GNB1L: variants seen among roughly 807,000 people sequenced by gnomAD.
The protein encoded by GNB1L is guanine nucleotide-binding protein subunit beta-like protein 1.
GNB1L carries 20 observed loss-of-function variants against 29.1 expected under a neutral mutation model. That is an observed-to-expected ratio of 0.69 (90% CI 0.48 to 1.00). GNB1L has a LOEUF of 1.00. Ranked by LOEUF, GNB1L falls within the 50% of genes least tolerant of loss-of-function variation. The pLI is 0.00. For missense variants in GNB1L, 421 were observed against 464.9 expected, an observed-to-expected ratio of 0.91 and a Z score of 0.87; for synonymous variants, 193 against 206.5, an observed-to-expected ratio of 0.93 and a Z score of 0.56.
chr22:19,831,378 A>C (rs1253310315), intron 2 of GNB1L, among the ~76,000 whole-genome samples: 2 of 150,764 alleles, frequency 1.3e-5, no homozygotes, highest in Admixed American at 1.3e-4. Context: ...AAAAAAAAAA[A>C]CAATAAAATA....
chr22:19,792,259 C>A (rs1334944781), intron 7 of GNB1L: 4 of 643,566 alleles, frequency 6.2e-6, no homozygotes, highest in African/African-American at 3.7e-5. Flanking sequence ...TAACTATGTT[C>A]AAAAAATGAA....
At position 19,816,967 on chromosome 22, in the gene GNB1L, C is replaced by T. The variant is rs535092253; in HGVS notation, c.254+3631G>A. Among the ~76,000 whole-genome samples, 5 of 152,332 alleles carry T rather than the reference C, an allele frequency of 3.3e-5. No individual in the cohort carries two copies. The highest frequency in any genetic ancestry group is 2.1e-4 in the South Asian group (1 of 4,826). On this transcript the variant is annotated intron_variant, in intron 4 of 7. Transcript: ENST00000329517. The surrounding 1 kb of genome is among the most constrained non-coding windows in gnomAD (Gnocchi z 4.4). The stretch of plus-strand genomic sequence containing the variant: ...GCACTGAGGTGGGGGAAGGCGGGAC[C>T]GCTGGGTACCCACATGGAAACCCAG...
intron 2 of GNB1L, among the ~76,000 whole-genome samples, chr22:19,833,828 G>A (rs955421080): frequency 4.6e-5 from 7 of 151,496 alleles, no homozygotes; most frequent in Non-Finnish European, 8.8e-5. Flanking sequence ...ATCATACCAC[G>A]GCACTCCAGC....
chr22:19,850,425 G>A, intron 2 of GNB1L: 1 of 993,074 alleles, frequency 1.0e-6, no homozygotes, highest in South Asian at 4.7e-5. Context: ...CAGCACAGCA[G>A]CAGGGAAGAG....
chr22:19,829,910 T>C (rs9306226), intron 2 of GNB1L, among the ~76,000 whole-genome samples: 39,004 of 152,082 alleles, frequency 0.26, 5,111 homozygotes, highest in East Asian at 0.33. Context: ...TGAAGAAATA[T>C]TGGGGACATT....
chr22:19,846,339 T>A, intron 2 of GNB1L: 1 of 811,726 alleles, frequency 1.2e-6, no homozygotes. Context: ...AATGCCTTTG[T>A]ACCCCCCAGG....
rs1937570048 is a variant in GNB1L, at chr22:19,820,602, G to C, written c.250C>G (p.Leu84Val). ...LQTLPQGRQL[L>V]SQGRDLKLCL... ...TCCTGCACCTTGGAGACCCACCTGA[G>C]GAGCTGGCGCCCCTGGGGCAGCGTC... Residue 84 changes from leucine to valine, a missense_variant, in exon 4 of 8, where the codon CTC becomes GTC. Leu to Val is a conservative substitution (Grantham distance 32). Coordinates refer to ENST00000329517, the MANE Select transcript of GNB1L (RefSeq NM_053004.3). 1.9e-6 allele frequency: 3 copies of C among 1,612,088 alleles called. No homozygotes were observed.
chr22:19,820,666 G>A lies in GNB1L; in HGVS notation c.186C>T (p.Thr62=). 1 of 1,613,608 alleles carries A rather than the reference G, an allele frequency of 6.2e-7. No homozygotes were observed. Among genetic ancestry groups the A allele is most frequent in the African/African-American group, 1.3e-5 (1 of 75,062 alleles). ...CACACTGGCCGCCGTGGCCATCCAGGGTGGTAACCGCTCTCCGCGTCTGCA... is the reference window on the plus strand; with the variant it reads ...CACACTGGCCGCCGTGGCCATCCAGAGTGGTAACCGCTCTCCGCGTCTGCA... ...WSLQTRRAVT[T]LDGHGGQCVT... is the part of the protein sequence containing the mutation. Residue 62 remains threonine, a synonymous_variant, in exon 4 of 8, where the codon ACC becomes ACT. Coordinates refer to ENST00000329517, the MANE Select transcript of GNB1L (RefSeq NM_053004.3).
intron 4 of GNB1L, among the ~76,000 whole-genome samples, chr22:19,817,804 T>G (rs1019456629): frequency 6.6e-6 from 1 of 152,198 alleles, no homozygotes; most frequent in African/African-American, 2.4e-5. Context: ...GGAAGGTGGT[T>G]GCTCAGGTGC....
chr22:19,812,556 G>C, intron 4 of GNB1L, 109 bp from the exon 5 acceptor site: 1 of 1,068,826 alleles, frequency 9.4e-7, no homozygotes, highest in Non-Finnish European at 1.3e-6. Flanking sequence ...AGTGGGTGCC[G>C]TGAGCTTGGA....
intron 7 of GNB1L, among the ~76,000 whole-genome samples, chr22:19,800,575 G>C (rs569268238): frequency 6.6e-6 from 1 of 152,140 alleles, no homozygotes; most frequent in African/African-American, 2.4e-5. Flanking sequence ...TGCTCAGAAC[G>C]GGCATCATGA....
chr22:19,848,840 G>A (rs958653576), intron 2 of GNB1L: 1 of 985,180 alleles, frequency 1.0e-6, no homozygotes, highest in African/African-American at 1.7e-5. Context: ...TCCACTTCAG[G>A]TCCACTAAAG....
In GNB1L at chr22:19,792,420, C is replaced by T. The variant is rs75755252; in HGVS notation, c.733-3460G>A. 7,404 of 1,556,428 alleles carry T rather than the reference C, an allele frequency of 4.8e-3. 290 individuals carry two copies. The South Asian group carries it at 0.063, about 13-fold the overall frequency. ...AAGGCCTAAGAATTTTGGCATCGGACAGGACATCCAGCCCAAAAGAGACCT... is the reference window on the plus strand; with the variant it reads ...AAGGCCTAAGAATTTTGGCATCGGATAGGACATCCAGCCCAAAAGAGACCT... On this transcript the variant is annotated intron_variant, in intron 7 of 7. Transcript: ENST00000329517.
At chr22:19,813,449 C>T (rs182229527) in intron 4 of GNB1L, among the ~76,000 whole-genome samples, 33 of 152,202 alleles carry the variant, frequency 2.2e-4, no homozygotes, top group South Asian at 1.5e-3. Context: ...TGTGGGAGGC[C>T]GAGGCAGGTG....
chr22:19,834,670 C>A (rs145678635), intron 2 of GNB1L, among the ~76,000 whole-genome samples: 3 of 152,002 alleles, frequency 2.0e-5, no homozygotes, highest in Admixed American at 2.0e-4. Flanking sequence ...CACTGTCATC[C>A]CTGCAGCAAC....
chr22:19,786,756 C>A lies in GNB1L; in HGVS notation c.*1953G>T, dbSNP rs1937194983. ...TGACACCTTCCCTCACTGTGACAGCCTGTGATGAGCACCCAGGGCACAGCT... is the reference window on the plus strand; with the variant it reads ...TGACACCTTCCCTCACTGTGACAGCATGTGATGAGCACCCAGGGCACAGCT... On this transcript the variant is annotated 3_prime_UTR_variant, in exon 8 of 8. Coordinates refer to ENST00000329517, the MANE Select transcript of GNB1L (RefSeq NM_053004.3). 1 of 152,288 alleles carries A rather than the reference C, an allele frequency of 6.6e-6. No homozygotes were observed. Among genetic ancestry groups the A allele is most frequent in the African/African-American group, 2.4e-5 (1 of 41,438 alleles). 9.4% of individuals were successfully genotyped at this position (152,288 alleles called of 1,614,324 possible).
intron 4 of GNB1L, 34 bp from the exon 5 acceptor site, chr22:19,812,481 C>T (rs369750275): frequency 1.3e-5 from 21 of 1,586,312 alleles, no homozygotes; most frequent in Non-Finnish European, 1.7e-5. Context: ...CCTGAGACTC[C>T]CCTTGACAAG....
At chr22:19,814,598 G>A (rs370651816) in intron 4 of GNB1L, among the ~76,000 whole-genome samples, 24 of 152,334 alleles carry the variant, frequency 1.6e-4, no homozygotes, top group East Asian at 1.2e-3. Context: ...TGGGCCATCA[G>A]GGACCCATGT....
At chr22:19,836,449 A>G (rs763104883) in intron 2 of GNB1L, among the ~76,000 whole-genome samples, 3 of 152,236 alleles carry the variant, frequency 2.0e-5, no homozygotes, top group Non-Finnish European at 4.4e-5. Flanking sequence ...AATTCTACCA[A>G]ACATTTAAAG....
Sources: allele counts gnomAD v4.1 joint callset (sites outside exome capture counted in the v4.1 genomes callset), GRCh38; gene constraint gnomAD v4.1.1; non-coding constraint Gnocchi (gnomAD v3.1); transcripts MANE v1.5; gene names NCBI Gene and HGNC (gene_info 2026-07-23, HGNC 2026-07-21).